The following LRCH1 variants were observed in gnomAD, a reference collection of about 807,000 sequenced individuals.
LRCH1 encodes leucine-rich repeat and calponin homology domain-containing protein 1.
A neutral mutation model predicts 94.9 loss-of-function variants in LRCH1; 23 were observed. That is an observed-to-expected ratio of 0.24 (90% CI 0.17 to 0.34). The LOEUF (loss-of-function observed/expected upper bound fraction) is 0.34, where lower values mean the gene tolerates loss of function less well. LRCH1 is among the 10% of genes least tolerant of loss of function. The pLI, the probability that LRCH1 is intolerant of heterozygous loss-of-function variation, is 1.00. For missense variants in LRCH1, 790 were observed against 945.9 expected (o/e 0.84, Z 2.16); for synonymous variants, 364 against 354.9 (o/e 1.03, Z -0.29).
chr13:46,751,632 T>C (rs2138266397), exon 19 of LRCH1: 1 of 152,340 alleles, frequency 6.6e-6, no homozygotes, highest in Non-Finnish European at 1.5e-5. Flanking sequence ...AAAGAAATAA[T>C]AAGTGTTAGC....
intron 1 of LRCH1, among the ~76,000 whole-genome samples, chr13:46,575,988 G>A (rs931533712): frequency 2.6e-5 from 4 of 152,124 alleles, no homozygotes; most frequent in African/African-American, 7.2e-5. Flanking sequence ...CCTAATACTC[G>A]ACTTTGGAAT....
intron 1 of LRCH1, among the ~76,000 whole-genome samples, chr13:46,627,947 C>CA (rs1225099764): frequency 1.3e-5 from 2 of 152,052 alleles, no homozygotes; most frequent in Non-Finnish European, 2.9e-5. Context: ...TCATGTTCTA[C>CA]AAAATCATAC....
In LRCH1 at chr13:46,553,723, C is replaced by T. The variant is rs1251923827; in HGVS notation, c.307+20C>T. The stretch of plus-strand genomic sequence containing the variant: ...AGGCAGGTGAGTGAGGGCCGAGGGG[C>T]GGGCAGGGGTGTGGGTGCTGTCTGG... On this transcript the variant is annotated intron_variant, in intron 1 of 19. Transcript: ENST00000389797. 2 of 1,604,396 alleles carry T rather than the reference C, an allele frequency of 1.2e-6. No individual in the cohort carries two copies. Among genetic ancestry groups the T allele is most frequent in the Admixed American group, 1.7e-5 (1 of 59,296 alleles).
At chr13:46,592,998 C>T (rs2050517438) in intron 1 of LRCH1, among the ~76,000 whole-genome samples, 1 of 151,954 alleles carries the variant, frequency 6.6e-6, no homozygotes, top group Non-Finnish European at 1.5e-5. Flanking sequence ...TTCAAATCCC[C>T]ATGTCCCTTC....
Position 46,742,069 on chromosome 13 carries a change from A to G in LRCH1, c.*221A>G. The G allele has an allele frequency of 7.1e-7, 1 of 1,398,970 alleles. No homozygotes were observed. The highest frequency in any genetic ancestry group is 9.3e-7 in the Non-Finnish European group (1 of 1,077,604). 86.7% of individuals were successfully genotyped at this position (1,398,970 alleles called of 1,614,324 possible). On this transcript the variant is annotated 3_prime_UTR_variant, in exon 20 of 20. Coordinates refer to ENST00000389797, the MANE Select transcript of LRCH1 (RefSeq NM_001164211.2). ...TCTCACTTACTGAAATACAACGACG[A>G]CGACTGCAAAGTGTATGCACACCGC...
At chr13:46,575,471 C>T (rs2050293030) in intron 1 of LRCH1, among the ~76,000 whole-genome samples, 1 of 150,968 alleles carries the variant, frequency 6.6e-6, no homozygotes, top group Non-Finnish European at 1.5e-5. Context: ...AGTTGAAGGA[C>T]ACATTGCTCT....
chr13:46,559,664 A>G (rs558952613), intron 1 of LRCH1, among the ~76,000 whole-genome samples: 4 of 152,252 alleles, frequency 2.6e-5, no homozygotes, highest in Non-Finnish European at 5.9e-5. Context: ...ATAATAGCAT[A>G]CAATTATAGG....
chr13:46,681,936 TTG>T lies in LRCH1; in HGVS notation c.685+119_685+120del, dbSNP rs71077914. The T allele has an allele frequency of 3.0e-3, 1,555 of 524,380 alleles. 12 individuals carry two copies. The highest frequency in any genetic ancestry group is 3.8e-3 in the African/African-American group (189 of 49,438). The allele number at this position is 524,380 out of a possible 1,614,324, so 32.5% of individuals were successfully genotyped here. ...TTACTTTTGTGAAGAGGGTCGATCT[TTG>T]TGTGTGTGTGTGTGTGTGTGTGTGT... On this transcript the variant is annotated intron_variant, in intron 4 of 19. Coordinates refer to ENST00000389797, the MANE Select transcript of LRCH1 (RefSeq NM_001164211.2).
intron 1 of LRCH1, among the ~76,000 whole-genome samples, chr13:46,596,312 C>T (rs1227717127): frequency 6.6e-6 from 1 of 152,148 alleles, no homozygotes; most frequent in Non-Finnish European, 1.5e-5. Flanking sequence ...TAAATATTAC[C>T]TGCTTCAAGG....
At chr13:46,568,612 A>C (rs2050209897) in intron 1 of LRCH1, among the ~76,000 whole-genome samples, 1 of 152,244 alleles carries the variant, frequency 6.6e-6, no homozygotes, top group Non-Finnish European at 1.5e-5. Context: ...CATTAATTTA[A>C]AAATTACAAA....
chr13:46,630,381 A>G (rs1486915375), intron 1 of LRCH1, among the ~76,000 whole-genome samples: 2 of 152,214 alleles, frequency 1.3e-5, no homozygotes, highest in East Asian at 3.8e-4. Context: ...TATTATTACT[A>G]CTTTCTCAGC....
intron 1 of LRCH1, among the ~76,000 whole-genome samples, chr13:46,562,120 T>G (rs769011672): frequency 1.3e-5 from 2 of 152,200 alleles, no homozygotes; most frequent in Non-Finnish European, 2.9e-5. Context: ...CTCTGCATTT[T>G]TCATCCATCA....
intron 16 of LRCH1, among the ~76,000 whole-genome samples, chr13:46,719,198 T>C (rs1872481945): frequency 6.6e-6 from 1 of 152,204 alleles, no homozygotes; most frequent in Non-Finnish European, 1.5e-5. Flanking sequence ...AGATTATTCA[T>C]AAGAGGAAAA....
chr13:46,665,321 A>T (rs1356290894), intron 2 of LRCH1, among the ~76,000 whole-genome samples: 7 of 152,200 alleles, frequency 4.6e-5, no homozygotes, highest in Admixed American at 1.3e-4. Flanking sequence ...GTCAAAATAC[A>T]TCAAAATAAT....
At chr13:46,572,476 C>T (rs1180879999) in intron 1 of LRCH1, among the ~76,000 whole-genome samples, 1 of 152,060 alleles carries the variant, frequency 6.6e-6, no homozygotes, top group Non-Finnish European at 1.5e-5. Context: ...GACATAGATG[C>T]CAGTTGGAGA....
chr13:46,602,966 A>ACATGCATGCATGCATG (rs768161330), intron 1 of LRCH1, among the ~76,000 whole-genome samples: 2 of 49,434 alleles, frequency 4.0e-5, no homozygotes, highest in Non-Finnish European at 7.7e-5. Context: ...ATACATGCAT[A>ACATGCATGCATGCATG]CATACATGCA....
chr13:46,598,599 A>C (rs1295673500), intron 1 of LRCH1, among the ~76,000 whole-genome samples: 1 of 152,018 alleles, frequency 6.6e-6, no homozygotes, highest in Non-Finnish European at 1.5e-5. Flanking sequence ...AACAACAAAA[A>C]AAAAAGAACA....
In LRCH1 at chr13:46,687,918, G is replaced by A. The variant is rs868642884; in HGVS notation, c.889G>A (p.Ala297Thr). Reference sequence around the variant, plus strand: ...CATACAAGCATGCCAGATTAAGACAGCTGACTCCCTTTATCTCCACACCAT... The same window carrying A: ...CATACAAGCATGCCAGATTAAGACAACTGACTCCCTTTATCTCCACACCAT... ...LSIQACQIKT[A>T]DSLYLHTMER... Residue 297 changes from alanine (A) to threonine (T), a missense_variant, in exon 6 of 20, where the codon GCT becomes ACT. Physicochemically the swap from Ala to Thr is moderately conservative, Grantham distance 58. Around this residue, in one of 3 missense-constraint regions of LRCH1, gnomAD observed 194 missense variants for 293.5 expected, o/e 0.66. Coordinates refer to ENST00000389797, the MANE Select transcript of LRCH1 (RefSeq NM_001164211.2). The A allele has an allele frequency of 6.2e-7, 1 of 1,613,372 alleles. No individual in the cohort carries two copies. Among genetic ancestry groups the A allele is most frequent in the African/African-American group, 1.3e-5 (1 of 75,032 alleles).
intron 1 of LRCH1, among the ~76,000 whole-genome samples, chr13:46,596,444 A>C (rs751060744): frequency 6.6e-6 from 1 of 152,238 alleles, no homozygotes; most frequent in Non-Finnish European, 1.5e-5. Flanking sequence ...TATGTCTGTC[A>C]GATGTTTCCA....
Sources: allele counts gnomAD v4.1 joint callset (sites outside exome capture counted in the v4.1 genomes callset), GRCh38; gene constraint gnomAD v4.1.1; regional missense constraint gnomAD v4.1.1; transcripts MANE v1.5; gene names NCBI Gene and HGNC (gene_info 2026-07-23, HGNC 2026-07-21).